Variants in CSNK1G3 observed in about 807,000 individuals in gnomAD.
CSNK1G3 encodes casein kinase I isoform gamma-3.
In CSNK1G3, 23 loss-of-function variants were observed where a neutral mutation model predicts 64.3. That is an observed-to-expected ratio of 0.36 (90% CI 0.26 to 0.51). CSNK1G3 has a LOEUF of 0.51. Among genes scored for constraint, CSNK1G3 ranks in the 20% least tolerant of loss-of-function variants. The probability of loss-of-function intolerance (pLI) is 0.96; values close to 1 mark genes in which losing one functional copy is unlikely to be tolerated. For synonymous variants in CSNK1G3, 158 were observed against 162.2 expected (o/e 0.97, Z 0.20); for missense variants, 357 against 510.5 (o/e 0.70, Z 2.90).
chr5:123,526,543 A>C (rs1381103954), intron 1 of CSNK1G3, among the ~76,000 whole-genome samples: 1 of 152,200 alleles, frequency 6.6e-6, no homozygotes, highest in Non-Finnish European at 1.5e-5. Flanking sequence ...ACACAAAAAC[A>C]GTTCTATCAC....
chr5:123,592,857 T>C (rs1371903153), intron 10 of CSNK1G3, among the ~76,000 whole-genome samples: 1 of 151,826 alleles, frequency 6.6e-6, no homozygotes, highest in East Asian at 1.9e-4. Flanking sequence ...AAATTAAAAT[T>C]AGTTGATAGC....
intron 8 of CSNK1G3, among the ~76,000 whole-genome samples, chr5:123,589,751 A>T (rs1170620651): frequency 6.6e-6 from 1 of 152,190 alleles, no homozygotes; most frequent in Non-Finnish European, 1.5e-5. Context: ...TGTATCTAAT[A>T]CATTTTGGAA....
chr5:123,534,734 G>A (rs1174100978), intron 1 of CSNK1G3, among the ~76,000 whole-genome samples: 2 of 152,120 alleles, frequency 1.3e-5, no homozygotes, highest in Non-Finnish European at 2.9e-5. Context: ...ATGAGAAAGT[G>A]TCTAGCCAAT....
chr5:123,542,832 G>A (rs1011340844), intron 1 of CSNK1G3, among the ~76,000 whole-genome samples: 1 of 143,578 alleles, frequency 7.0e-6, no homozygotes, highest in African/African-American at 2.7e-5. Context: ...TTAGCAGTTT[G>A]TGATATGCCT....
At chr5:123,614,517 C>A in exon 13 of CSNK1G3, 4 of 672,194 alleles carry the variant, frequency 6.0e-6, no homozygotes, top group Non-Finnish European at 9.5e-6. Flanking sequence ...ACAAAAATGT[C>A]ATACTTTCAT....
intron 4 of CSNK1G3, among the ~76,000 whole-genome samples, chr5:123,568,523 T>C (rs895806000): frequency 1.3e-5 from 2 of 152,224 alleles, no homozygotes; most frequent in South Asian, 2.1e-4. Context: ...CACCCACTAA[T>C]CGAGCTTTTT....
intron 6 of CSNK1G3, among the ~76,000 whole-genome samples, chr5:123,585,357 A>G (rs1357729370): frequency 6.6e-6 from 1 of 152,186 alleles, no homozygotes; most frequent in Non-Finnish European, 1.5e-5. Context: ...AACCATAACT[A>G]TAAAATTTCT....
At chr5:123,578,397 G>A (rs765678450) in intron 6 of CSNK1G3, among the ~76,000 whole-genome samples, 5 of 151,662 alleles carry the variant, frequency 3.3e-5, no homozygotes, top group Non-Finnish European at 7.4e-5. Context: ...TGTGATTATT[G>A]TTTCTGAGAT....
chr5:123,521,558 T>A (rs1347296745), intron 1 of CSNK1G3, among the ~76,000 whole-genome samples: 2 of 152,126 alleles, frequency 1.3e-5, no homozygotes, highest in African/African-American at 4.8e-5. Flanking sequence ...ATGAAGGTGG[T>A]TTTTTTAAGA....
At chr5:123,582,959 A>G (rs1221574062) in intron 6 of CSNK1G3, among the ~76,000 whole-genome samples, 1 of 152,242 alleles carries the variant, frequency 6.6e-6, no homozygotes, top group Non-Finnish European at 1.5e-5. Flanking sequence ...AGTTTCAGTA[A>G]TAGATTTGTT....
chr5:123,604,073 A>G (rs1794933235), intron 10 of CSNK1G3, among the ~76,000 whole-genome samples: 1 of 152,102 alleles, frequency 6.6e-6, no homozygotes, highest in Non-Finnish European at 1.5e-5. Context: ...ATAAGAGATC[A>G]TAGTGGCTTG....
chr5:123,574,463 G>A (rs1259796791), intron 5 of CSNK1G3, among the ~76,000 whole-genome samples: 2 of 152,068 alleles, frequency 1.3e-5, no homozygotes, highest in African/African-American at 2.4e-5. Context: ...AGAAATAACA[G>A]GGTTAGTTGA....
intron 12 of CSNK1G3, among the ~76,000 whole-genome samples, chr5:123,613,612 T>C (rs1014109018): frequency 1.5e-4 from 23 of 152,012 alleles, no homozygotes; most frequent in Non-Finnish European, 3.1e-4. Context: ...GCTCAAGCAA[T>C]CCTCCTGCCT....
intron 6 of CSNK1G3, among the ~76,000 whole-genome samples, chr5:123,582,885 G>T (rs930418952): frequency 1.3e-5 from 2 of 152,168 alleles, no homozygotes; most frequent in African/African-American, 4.8e-5. Context: ...TTTATTTCCA[G>T]ATATGTCAGT....
intron 6 of CSNK1G3, among the ~76,000 whole-genome samples, chr5:123,585,173 G>A (rs938214025): frequency 5.9e-5 from 9 of 152,042 alleles, no homozygotes; most frequent in African/African-American, 1.2e-4. Flanking sequence ...ATAGATGGCC[G>A]ATTGATTTTT....
chr5:123,609,203 C>T (rs760557022), intron 12 of CSNK1G3, among the ~76,000 whole-genome samples: 1 of 152,126 alleles, frequency 6.6e-6, no homozygotes, highest in Non-Finnish European at 1.5e-5. Flanking sequence ...TCTTTCTCAG[C>T]ACAAGAAAGG....
At chr5:123,570,843 A>G (rs1787949569) in intron 4 of CSNK1G3, among the ~76,000 whole-genome samples, 1 of 152,180 alleles carries the variant, frequency 6.6e-6, no homozygotes, top group Non-Finnish European at 1.5e-5. Context: ...AGAGAGGGGG[A>G]AAAAGCATTA....
intron 4 of CSNK1G3, among the ~76,000 whole-genome samples, chr5:123,562,518 A>T (rs542352597): frequency 3.3e-5 from 5 of 152,182 alleles, no homozygotes; most frequent in African/African-American, 1.2e-4. Context: ...GGGATGTATA[A>T]TCTTCAAATT....
intron 4 of CSNK1G3, among the ~76,000 whole-genome samples, chr5:123,569,570 A>G (rs1787659050): frequency 6.6e-6 from 1 of 152,232 alleles, no homozygotes; most frequent in Admixed American, 6.5e-5. Flanking sequence ...CATAATAGCT[A>G]ATATCACCAC....
Sources: gnomAD v4.1 joint callset for allele counts (sites outside exome capture counted in the v4.1 genomes callset) on GRCh38, gnomAD v4.1.1 for gene constraint, MANE v1.5 for transcripts, NCBI Gene and HGNC (gene_info 2026-07-23, HGNC 2026-07-21) for gene names.